Variants in TENM4 observed in about 807,000 individuals in gnomAD.
TENM4 encodes teneurin transmembrane protein 4.
In TENM4, 82 loss-of-function variants were observed where a neutral mutation model predicts 243.3. The observed-to-expected ratio is 0.34, with a 90% CI of 0.28 to 0.40. TENM4 has a LOEUF of 0.40. Ranked by LOEUF, TENM4 falls within the 10% of genes least tolerant of loss-of-function variation. The pLI, the probability that TENM4 is intolerant of heterozygous loss-of-function variation, is 1.00. For synonymous variants in TENM4, 1,412 were observed against 1,456.3 expected, an observed-to-expected ratio of 0.97 and a Z score of 0.69; for missense variants, 3,138 against 3,673.3, an observed-to-expected ratio of 0.85 and a Z score of 3.77.
intron 4 of TENM4, among the ~76,000 whole-genome samples, chr11:79,089,589 A>G (rs1337978317): frequency 6.6e-6 from 1 of 152,186 alleles, no homozygotes; most frequent in Non-Finnish European, 1.5e-5. Context: ...AACCCAAAGA[A>G]GCAGGTTTCA....
At chr11:79,210,071 T>C (rs1863928115) in intron 3 of TENM4, among the ~76,000 whole-genome samples, 2 of 152,224 alleles carry the variant, frequency 1.3e-5, no homozygotes, top group African/African-American at 2.4e-5. Flanking sequence ...TGGGACAATA[T>C]ACTCTTAGCC....
chr11:78,901,801 A>G (rs1855934354), intron 7 of TENM4, among the ~76,000 whole-genome samples: 1 of 152,240 alleles, frequency 6.6e-6, no homozygotes, highest in Admixed American at 6.5e-5. Context: ...ACGATTTTAA[A>G]GGATGCCAAC....
At chr11:79,210,632 AC>A (rs1312625268) in intron 3 of TENM4, among the ~76,000 whole-genome samples, 1 of 152,156 alleles carries the variant, frequency 6.6e-6, no homozygotes, top group African/African-American at 2.4e-5. Flanking sequence ...TAGCAAGGTA[AC>A]CTGGGGAGCC....
intron 2 of TENM4, among the ~76,000 whole-genome samples, chr11:79,258,946 C>G (rs375507672): frequency 6.6e-6 from 1 of 152,174 alleles, no homozygotes; most frequent in Non-Finnish European, 1.5e-5. Flanking sequence ...TGGCCCCCCC[C>G]ACCTACTAGC....
chr11:79,132,256 G>A (rs1354136393), intron 4 of TENM4, among the ~76,000 whole-genome samples: 4 of 147,326 alleles, frequency 2.7e-5, no homozygotes, highest in Admixed American at 6.8e-5. Context: ...TGAGGCAGGA[G>A]AATAGCGTGA....
chr11:79,323,122 A>T (rs1302446271), intron 1 of TENM4, among the ~76,000 whole-genome samples: 2 of 152,252 alleles, frequency 1.3e-5, no homozygotes, highest in Admixed American at 1.3e-4. Flanking sequence ...CACAAAGCAC[A>T]GTTCCACACA....
intron 2 of TENM4, among the ~76,000 whole-genome samples, chr11:79,226,975 C>T (rs1298746681): frequency 6.6e-6 from 1 of 152,234 alleles, no homozygotes; most frequent in Non-Finnish European, 1.5e-5. Context: ...ACTCCCCACA[C>T]TGGCCTGCTC....
intron 1 of TENM4, among the ~76,000 whole-genome samples, chr11:79,361,267 T>C (rs1000760489): frequency 6.6e-6 from 1 of 152,258 alleles, no homozygotes; most frequent in African/African-American, 2.4e-5. Context: ...TTGTGCTTAT[T>C]GCAGTAAACG....
intron 1 of TENM4, among the ~76,000 whole-genome samples, chr11:79,305,976 C>A (rs1028322654): frequency 4.6e-5 from 7 of 152,216 alleles, no homozygotes. Context: ...GAACCAACTG[C>A]AAAACCATCC....
At chr11:79,311,892 G>T (rs1856728398) in intron 1 of TENM4, among the ~76,000 whole-genome samples, 1 of 152,154 alleles carries the variant, frequency 6.6e-6, no homozygotes, top group Admixed American at 6.5e-5. Context: ...GTGATGTTCA[G>T]ATAAATGGCC....
At chr11:79,161,118 A>C (rs1312045587) in intron 3 of TENM4, among the ~76,000 whole-genome samples, 1 of 152,210 alleles carries the variant, frequency 6.6e-6, no homozygotes, top group East Asian at 1.9e-4. Context: ...GAAGTAGAAC[A>C]TCTCTATCCC....
At chr11:78,978,340 C>T (rs995159444) in intron 6 of TENM4, among the ~76,000 whole-genome samples, 1 of 117,682 alleles carries the variant, frequency 8.5e-6, no homozygotes, top group Non-Finnish European at 1.9e-5. Flanking sequence ...TACCCCAGAA[C>T]TTAAAGTAAG....
At chr11:79,380,693 C>A (rs751423217) in intron 1 of TENM4, among the ~76,000 whole-genome samples, 1 of 152,156 alleles carries the variant, frequency 6.6e-6, no homozygotes. Context: ...AATCACAGAA[C>A]GCTTTTGTAG....
At chr11:78,995,302 T>C (rs1002221712) in intron 6 of TENM4, among the ~76,000 whole-genome samples, 3 of 152,164 alleles carry the variant, frequency 2.0e-5, no homozygotes, top group Non-Finnish European at 4.4e-5. Context: ...TTGCATGCCA[T>C]GTCAAGAGTT....
intron 1 of TENM4, among the ~76,000 whole-genome samples, chr11:79,413,434 G>A (rs562948265): frequency 1.3e-5 from 2 of 152,254 alleles, no homozygotes; most frequent in South Asian, 4.1e-4. Flanking sequence ...CGCCTCCCTG[G>A]CACGCTCCAT....
intron 1 of TENM4, among the ~76,000 whole-genome samples, chr11:79,344,522 A>AC (rs1344578712): frequency 6.6e-6 from 1 of 152,128 alleles, no homozygotes; most frequent in Non-Finnish European, 1.5e-5. Context: ...AGTACATGAC[A>AC]CCCCCAGAAG....
chr11:78,863,197 TA>T (rs1387277769), intron 9 of TENM4, 65 bp from the exon 10 acceptor site: 1 of 1,425,728 alleles, frequency 7.0e-7, no homozygotes, highest in Non-Finnish European at 9.4e-7. Context: ...TCCCAAGCCA[TA>T]AGGGAAAGGT....
chr11:79,436,189 A>G (rs1006250496), intron 1 of TENM4, among the ~76,000 whole-genome samples: 1 of 152,212 alleles, frequency 6.6e-6, no homozygotes, highest in Non-Finnish European at 1.5e-5. Context: ...ACAGTGTTCA[A>G]TAATATGAAA....
chr11:78,904,726 G>C (rs373486464), intron 6 of TENM4, among the ~76,000 whole-genome samples: 2 of 152,242 alleles, frequency 1.3e-5, no homozygotes, highest in East Asian at 1.9e-4. Flanking sequence ...AGAACACCAG[G>C]TATCATCACC....
Sources: gnomAD v4.1 joint callset for allele counts (sites outside exome capture counted in the v4.1 genomes callset) on GRCh38, gnomAD v4.1.1 for gene constraint, MANE v1.5 for transcripts, NCBI Gene and HGNC (gene_info 2026-07-23, HGNC 2026-07-21) for gene names.